Variants in SGCD observed in about 807,000 individuals in gnomAD.
SGCD encodes the protein delta-sarcoglycan.
SGCD carries 18 observed loss-of-function variants against 36.6 expected under a neutral mutation model. The observed-to-expected ratio is 0.49, with a 90% CI of 0.34 to 0.73. The LOEUF (loss-of-function observed/expected upper bound fraction) is 0.73. Among genes scored for constraint, SGCD ranks in the 30% least tolerant of loss-of-function variants. The probability of loss-of-function intolerance (pLI) is 0.01; values close to 1 mark genes in which losing one functional copy is unlikely to be tolerated. For missense variants in SGCD, 387 were observed against 346.7 expected (o/e 1.12, Z -0.92); for synonymous variants, 133 against 130.6 (o/e 1.02, Z -0.12).
intron 1 of SGCD, among the ~76,000 whole-genome samples, chr5:156,068,221 A>G (rs929243675): frequency 1.8e-4 from 27 of 151,868 alleles, no homozygotes; most frequent in Admixed American, 1.3e-3. Flanking sequence ...TGCTGCACCC[A>G]TTAACTCGTC....
chr5:156,154,963 T>C (rs976167424), intron 3 of SGCD, among the ~76,000 whole-genome samples: 1 of 151,664 alleles, frequency 6.6e-6, no homozygotes, highest in East Asian at 1.9e-4. Context: ...ACAAACTCAA[T>C]GTCTGCAGGG....
chr5:155,847,313 GC>G, the SGCD span, among the ~76,000 whole-genome samples: 2 of 152,182 alleles, frequency 1.3e-5, no homozygotes, highest in Non-Finnish European at 2.9e-5. Context: ...TACCTGGTAA[GC>G]AGCAGAACTC....
the SGCD span, among the ~76,000 whole-genome samples, chr5:155,770,255 G>A: frequency 6.6e-6 from 1 of 152,076 alleles, no homozygotes; most frequent in Admixed American, 6.5e-5. Flanking sequence ...GAGAATAATA[G>A]CAATGATAGG....
At chr5:156,697,869 GATTTT>G (rs1754382689) in intron 7 of SGCD, among the ~76,000 whole-genome samples, 1 of 152,062 alleles carries the variant, frequency 6.6e-6, no homozygotes, top group African/African-American at 2.4e-5. Context: ...TATAGTTTAG[GATTTT>G]ATTTCCATGG....
intron 3 of SGCD, among the ~76,000 whole-genome samples, chr5:156,403,721 TC>T (rs1470929064): frequency 2.0e-5 from 3 of 152,236 alleles, no homozygotes; most frequent in Non-Finnish European, 4.4e-5. Context: ...GCCTTGATGT[TC>T]ATCACCAGCC....
intron 3 of SGCD, among the ~76,000 whole-genome samples, chr5:156,358,043 T>A (rs1429968453): frequency 6.6e-6 from 1 of 152,210 alleles, no homozygotes; most frequent in Non-Finnish European, 1.5e-5. Flanking sequence ...TTGGCCGATG[T>A]ATGGGAGTTT....
At chr5:156,274,034 CA>C (rs1046873055) in intron 3 of SGCD, among the ~76,000 whole-genome samples, 5 of 152,076 alleles carry the variant, frequency 3.3e-5, no homozygotes, top group African/African-American at 1.2e-4. Context: ...TTTGCATCCC[CA>C]GGGGGCTGTA....
chr5:155,774,393 T>A, the SGCD span, among the ~76,000 whole-genome samples: 1 of 152,166 alleles, frequency 6.6e-6, no homozygotes, highest in Non-Finnish European at 1.5e-5. Context: ...GTCCTTGTTG[T>A]GGTTTCCTAC....
At position 156,190,038 on chromosome 5, in the gene SGCD, C is replaced by A. The variant is rs535496953; in HGVS notation, c.-44+66019C>A. Among the ~76,000 whole-genome samples the A allele has an allele frequency of 7.2e-5, 11 of 152,266 alleles. No individual in the cohort carries two copies. In the East Asian group the frequency reaches 2.1e-3, roughly 29 times the overall value. On this transcript the variant is annotated intron_variant, in intron 3 of 9. Transcript: ENST00000517913. ...CTGGTTGGCTTCCTATTTAATGTTT[C>A]TGAAAGACCTACATATGGGCATTTC... is the stretch of plus-strand genomic sequence containing the variant.
intron 1 of SGCD, among the ~76,000 whole-genome samples, chr5:155,956,809 G>A (rs999354185): frequency 1.3e-4 from 18 of 136,700 alleles, no homozygotes; most frequent in East Asian, 8.6e-4. Context: ...CCCCCCCCCC[G>A]GTTAATCCAG....
chr5:156,031,151 C>A (rs1759341592), intron 1 of SGCD, among the ~76,000 whole-genome samples: 1 of 152,164 alleles, frequency 6.6e-6, no homozygotes, highest in Non-Finnish European at 1.5e-5. Context: ...ACATCAGGAT[C>A]CCCTAGAAGG....
At chr5:155,745,381 C>A in the SGCD span, among the ~76,000 whole-genome samples, 3 of 152,082 alleles carry the variant, frequency 2.0e-5, no homozygotes, top group African/African-American at 7.2e-5. Context: ...GGTAGCTAAT[C>A]AAATGCAGAA....
chr5:156,520,054 T>C (rs1278668676), intron 4 of SGCD, among the ~76,000 whole-genome samples: 1 of 152,124 alleles, frequency 6.6e-6, no homozygotes, highest in Non-Finnish European at 1.5e-5. Flanking sequence ...CATATTCAAA[T>C]AGGAAGAGAG....
At chr5:155,875,579 T>C (rs2113283651) in intron 1 of SGCD, among the ~76,000 whole-genome samples, 1 of 152,178 alleles carries the variant, frequency 6.6e-6, no homozygotes, top group Admixed American at 6.6e-5. Flanking sequence ...CACGAAGCTG[T>C]GACAATTTAA....
intron 6 of SGCD, among the ~76,000 whole-genome samples, chr5:156,608,176 C>A (rs1213600542): frequency 6.6e-6 from 1 of 152,122 alleles, no homozygotes; most frequent in Non-Finnish European, 1.5e-5. Context: ...CTCTTGTGGG[C>A]ATGTAGTGCT....
intron 1 of SGCD, among the ~76,000 whole-genome samples, chr5:155,889,525 G>C (rs1163671753): frequency 1.3e-5 from 2 of 152,136 alleles, no homozygotes; most frequent in Non-Finnish European, 2.9e-5. Flanking sequence ...TTAGTAATCA[G>C]CTTACCGATT....
chr5:156,542,195 C>A (rs1561766880), intron 4 of SGCD, among the ~76,000 whole-genome samples: 1 of 152,004 alleles, frequency 6.6e-6, no homozygotes, highest in Non-Finnish European at 1.5e-5. Context: ...AAGAGTAAGA[C>A]AACAGGTGCA....
At chr5:155,808,078 T>G in the SGCD span, among the ~76,000 whole-genome samples, 1 of 152,240 alleles carries the variant, frequency 6.6e-6, no homozygotes, top group Admixed American at 6.5e-5. Context: ...TGAAGTCCCC[T>G]GTAGGAGTTC....
chr5:156,351,068 T>G (rs1261523167), intron 3 of SGCD, among the ~76,000 whole-genome samples: 1 of 152,194 alleles, frequency 6.6e-6, no homozygotes, highest in African/African-American at 2.4e-5. Context: ...ATAGGTCACT[T>G]TCATCTGAGG....
Sources: gnomAD v4.1 joint callset for allele counts (sites outside exome capture counted in the v4.1 genomes callset) on GRCh38, gnomAD v4.1.1 for gene constraint, MANE v1.5 for transcripts, NCBI Gene and HGNC (gene_info 2026-07-23, HGNC 2026-07-21) for gene names.